CAMTA1: variants seen among roughly 807,000 people sequenced by gnomAD.
The protein encoded by CAMTA1 is calmodulin binding transcription activator 1.
A neutral mutation model predicts 170.9 loss-of-function variants in CAMTA1; 27 were observed. The ratio of observed to expected loss-of-function variants is 0.16; its 90% CI spans 0.12 to 0.22. The LOEUF is 0.22. Among genes scored for constraint, CAMTA1 ranks in the 10% least tolerant of loss-of-function variants. The pLI is 1.00. For synonymous variants in CAMTA1, 833 were observed against 891.5 expected (o/e 0.93, Z 1.17); for missense variants, 1,619 against 2,217.2 (o/e 0.73, Z 5.42).
At chr1:6,827,608 T>G (rs1309849061) in intron 3 of CAMTA1, among the ~76,000 whole-genome samples, 1 of 152,188 alleles carries the variant, frequency 6.6e-6, no homozygotes, top group East Asian at 1.9e-4. Flanking sequence ...AAAGCACTTC[T>G]TTGATCTAGC....
Position 7,295,960 on chromosome 1 carries a change from A to C in CAMTA1, c.438+46334A>C, listed in dbSNP as rs564559908. 5.4e-4 allele frequency among the ~76,000 whole-genome samples: 83 copies of C among 152,330 alleles called. 2 individuals are homozygous for C. The South Asian group carries it at 0.011, about 19-fold the overall frequency. On this transcript the variant is annotated intron_variant, in intron 5 of 22. Transcript: ENST00000303635. The stretch of plus-strand genomic sequence containing the variant: ...CAGGGCTCCTTACAAGGCTACCGAA[A>C]AGGTGCTGGCCAGGGCCGTGGTCAT...
At chr1:7,327,843 G>T (rs2082784790) in intron 5 of CAMTA1, among the ~76,000 whole-genome samples, 1 of 152,158 alleles carries the variant, frequency 6.6e-6, no homozygotes, top group Admixed American at 6.5e-5. Flanking sequence ...CTTGTTGAAA[G>T]TGAACTCTCA....
At chr1:7,449,641 A>G (rs1019156335) in intron 5 of CAMTA1, among the ~76,000 whole-genome samples, 8 of 152,042 alleles carry the variant, frequency 5.3e-5, no homozygotes, top group Non-Finnish European at 1.0e-4. Flanking sequence ...GTCATGGTGC[A>G]TGTCTGTAAT....
At chr1:7,444,424 T>C (rs1159429225) in intron 5 of CAMTA1, among the ~76,000 whole-genome samples, 2 of 152,124 alleles carry the variant, frequency 1.3e-5, no homozygotes, top group Admixed American at 6.5e-5. Context: ...GGGAATATGG[T>C]GAGGAGGCAG....
intron 6 of CAMTA1, among the ~76,000 whole-genome samples, chr1:7,477,108 G>A (rs2093432987): frequency 6.6e-6 from 1 of 152,204 alleles, no homozygotes; most frequent in Admixed American, 6.5e-5. Flanking sequence ...GCCCCAGGTA[G>A]GAGGAAACCC....
At chr1:7,726,491 G>T (rs945963783) in intron 11 of CAMTA1, among the ~76,000 whole-genome samples, 2 of 152,154 alleles carry the variant, frequency 1.3e-5, no homozygotes, top group African/African-American at 4.8e-5. Context: ...CTAAGTAGGT[G>T]GCTCTTTATA....
intron 6 of CAMTA1, among the ~76,000 whole-genome samples, chr1:7,498,913 G>T (rs542609547): frequency 1.7e-5 from 2 of 115,318 alleles, no homozygotes; most frequent in Non-Finnish European, 3.5e-5. Context: ...GTGTGAGTGC[G>T]TATGTATATG....
intron 3 of CAMTA1, among the ~76,000 whole-genome samples, chr1:6,931,214 G>A (rs978408125): frequency 2.6e-5 from 4 of 152,170 alleles, no homozygotes; most frequent in African/African-American, 9.7e-5. Context: ...CTGTGGGTGT[G>A]GGTAAGTAAA....
chr1:7,553,129 AAATGAATGAGTGAATG>A (rs1557904453), intron 6 of CAMTA1, among the ~76,000 whole-genome samples: 3 of 152,208 alleles, frequency 2.0e-5, no homozygotes, highest in East Asian at 1.9e-4. Context: ...GTGAGTGAGT[AAATGAATGAGTGAATG>A]AATGAATGAG....
At position 7,186,898 on chromosome 1, in the gene CAMTA1, C is replaced by T. The variant is rs564686408; in HGVS notation, c.303-62593C>T. On this transcript the variant is annotated intron_variant, in intron 4 of 22. Coordinates refer to ENST00000303635, the MANE Select transcript of CAMTA1 (RefSeq NM_015215.4). ...GTGAGGTGCAGTTCAGGAGTCTTCCCGGCGGGGGCGTGAAAATCAGTCTCC... is the reference window on the plus strand; with the variant it reads ...GTGAGGTGCAGTTCAGGAGTCTTCCTGGCGGGGGCGTGAAAATCAGTCTCC... 7.9e-5 allele frequency among the ~76,000 whole-genome samples: 12 copies of T among 152,120 alleles called. 1 individual carries two copies. Among genetic ancestry groups the T allele is most frequent in the South Asian group, 4.2e-4 (2 of 4,816 alleles).
intron 6 of CAMTA1, among the ~76,000 whole-genome samples, chr1:7,572,736 G>A (rs1339011047): frequency 6.6e-6 from 1 of 152,182 alleles, no homozygotes; most frequent in African/African-American, 2.4e-5. Flanking sequence ...CATCACCTGG[G>A]GGTTTAGGAT....
intron 5 of CAMTA1, among the ~76,000 whole-genome samples, chr1:7,433,521 A>G (rs1475176484): frequency 6.6e-6 from 1 of 152,188 alleles, no homozygotes; most frequent in Non-Finnish European, 1.5e-5. Flanking sequence ...GGGAGGGGCC[A>G]GGTCCAATGG....
At chr1:7,516,987 C>T (rs779635268) in intron 6 of CAMTA1, among the ~76,000 whole-genome samples, 27 of 152,136 alleles carry the variant, frequency 1.8e-4, no homozygotes, top group Non-Finnish European at 3.4e-4. Flanking sequence ...TGAAATCCCA[C>T]CTTCCAAAGA....
At chr1:7,170,736 C>T (rs1649433908) in intron 4 of CAMTA1, among the ~76,000 whole-genome samples, 1 of 152,110 alleles carries the variant, frequency 6.6e-6, no homozygotes, top group African/African-American at 2.4e-5. Context: ...TGGGTTGGTT[C>T]CAAGTCTAAA....
In CAMTA1 at chr1:7,592,319, G is replaced by A. The variant is rs1215804387; in HGVS notation, c.511-48081G>A. On this transcript the variant is annotated intron_variant, in intron 6 of 22. Transcript: ENST00000303635. This position sits in a 1 kb window ranked among gnomAD's most constrained non-coding sequence, Gnocchi z 4.6. The stretch of plus-strand genomic sequence containing the variant: ...TTTGTGCTAGCTCACCGGACTGGCA[G>A]CAGACAGCATCTGGTCACATCTCTC... Among the ~76,000 whole-genome samples, 1 of 152,170 alleles carries A rather than the reference G, an allele frequency of 6.6e-6. No homozygotes were observed. The highest frequency in any genetic ancestry group is 1.5e-5 in the Non-Finnish European group (1 of 68,034).
In CAMTA1 at chr1:7,645,847, C is replaced by T. The variant is rs183095979; in HGVS notation, c.664+5294C>T. On this transcript the variant is annotated intron_variant, in intron 7 of 22. Coordinates refer to ENST00000303635, the MANE Select transcript of CAMTA1 (RefSeq NM_015215.4). ...CTCTGTGCACCTCCATGCTTCTGCA[C>T]GGGCACACGACGTATCCACAGGCAC... Among the ~76,000 whole-genome samples the T allele has an allele frequency of 3.9e-4, 60 of 152,386 alleles. No homozygotes were observed. In the East Asian group the frequency reaches 5.0e-3, roughly 13 times the overall value.
At position 7,664,910 on chromosome 1, in the gene CAMTA1, G is replaced by C. The variant is rs2095988357; in HGVS notation, c.2363G>C (p.Ser788Thr). Residue 788 changes from serine to threonine, a missense_variant, in exon 9 of 23, where the codon AGC (serine) becomes ACC (threonine). Ser to Thr is a moderately conservative substitution (Grantham distance 58). Transcript: ENST00000303635. ...TTCATCTCCGTGGAGGGGGGCAGCAGCACCATCTATGGGCACCAGCTGGTG... is the reference window on the plus strand; with the variant it reads ...TTCATCTCCGTGGAGGGGGGCAGCACCACCATCTATGGGCACCAGCTGGTG... Reference protein sequence around the residue: ...NDFISVEGGSSTIYGHQLVSG... With the variant: ...NDFISVEGGSTTIYGHQLVSG... 1 of 1,613,204 alleles carries C rather than the reference G, an allele frequency of 6.2e-7. No individual in the cohort carries two copies. The highest frequency in any genetic ancestry group is 8.5e-7 in the Non-Finnish European group (1 of 1,179,986).
chr1:6,928,220 A>G (rs192884555), intron 3 of CAMTA1, among the ~76,000 whole-genome samples: 3 of 152,202 alleles, frequency 2.0e-5, no homozygotes, highest in African/African-American at 7.2e-5. Context: ...CACGCTGCTG[A>G]TGCTAACAGA....
At chr1:7,366,874 C>G (rs1041366295) in intron 5 of CAMTA1, among the ~76,000 whole-genome samples, 4 of 152,204 alleles carry the variant, frequency 2.6e-5, no homozygotes, top group African/African-American at 9.7e-5. Flanking sequence ...GCTCATCTGT[C>G]TGGGTCACTG....
Sources: allele counts gnomAD v4.1 joint callset (sites outside exome capture counted in the v4.1 genomes callset), GRCh38; gene constraint gnomAD v4.1.1; non-coding constraint Gnocchi (gnomAD v3.1); transcripts MANE v1.5; gene names NCBI Gene and HGNC (gene_info 2026-07-23, HGNC 2026-07-21).